Variants in SCAF4 observed in about 807,000 individuals in gnomAD.
The protein encoded by SCAF4 is SR-related CTD associated factor 4.
Under a neutral mutation model 129.8 loss-of-function variants are expected in SCAF4, and 25 were observed. That is an observed-to-expected ratio of 0.19 (90% CI 0.14 to 0.27). The LOEUF (loss-of-function observed/expected upper bound fraction) is 0.27. Among genes scored for constraint, SCAF4 ranks in the 10% least tolerant of loss-of-function variants. The pLI is 1.00. For synonymous variants in SCAF4, 551 were observed against 497.7 expected (o/e 1.11, Z -1.43); for missense variants, 1,246 against 1,457.1 (o/e 0.86, Z 2.36).
At chr21:31,683,183 C>A (rs533595684) in intron 19 of SCAF4, among the ~76,000 whole-genome samples, 2 of 152,138 alleles carry the variant, frequency 1.3e-5, no homozygotes, top group Non-Finnish European at 2.9e-5. Flanking sequence ...GAAAACCACC[C>A]GCTCATGTAA....
intron 1 of SCAF4, among the ~76,000 whole-genome samples, chr21:31,722,464 T>C (rs1361069236): frequency 6.6e-6 from 1 of 152,112 alleles, no homozygotes. Flanking sequence ...CAAACAAATA[T>C]AGAGATAAAT....
At chr21:31,692,471 T>C in intron 12 of SCAF4, 22 bp from the exon 13 acceptor site, 5 of 1,525,838 alleles carry the variant, frequency 3.3e-6, no homozygotes, top group African/African-American at 1.4e-5. Flanking sequence ...ATTACAATCA[T>C]AAAGAGATTC....
chr21:31,725,573 T>C (rs961077728), intron 1 of SCAF4, among the ~76,000 whole-genome samples: 15 of 152,220 alleles, frequency 9.9e-5, no homozygotes, highest in African/African-American at 3.6e-4. Context: ...AGTAGCATTA[T>C]ATGCATACCA....
At chr21:31,715,411 G>T (rs2050900309) in intron 1 of SCAF4, among the ~76,000 whole-genome samples, 1 of 151,952 alleles carries the variant, frequency 6.6e-6, no homozygotes, top group Non-Finnish European at 1.5e-5. Flanking sequence ...GCCTTGCAAG[G>T]TAATATATTT....
intron 1 of SCAF4, among the ~76,000 whole-genome samples, chr21:31,728,235 T>G (rs765785235): frequency 6.6e-6 from 1 of 152,200 alleles, no homozygotes; most frequent in Non-Finnish European, 1.5e-5. Context: ...CTTATATATA[T>G]ACATATAATA....
Position 31,685,707 on chromosome 21 carries a change from A to T in SCAF4, c.2070T>A (p.Pro690=). 6.2e-7 allele frequency: 1 copy of T among 1,606,800 alleles called. No individual in the cohort carries two copies. The highest frequency in any genetic ancestry group is 8.5e-7 in the Non-Finnish European group (1 of 1,176,996). ...CAGGCGGCTGGAGAGCACCAACTAC[A>T]GGTGGACCCGGTTGATGTGGTGGGA... is the stretch of plus-strand genomic sequence containing the variant. The part of the protein sequence containing the change: ...PQVPPHQPGP[P]VVGALQPPAF... Residue 690 remains proline (P), a synonymous_variant, in exon 17 of 20, where the codon CCT becomes CCA. Transcript: ENST00000286835.
chr21:31,688,999 C>T (rs890339560), intron 15 of SCAF4, among the ~76,000 whole-genome samples: 12 of 152,188 alleles, frequency 7.9e-5, no homozygotes, highest in South Asian at 2.1e-4. Flanking sequence ...CTTTCTGCTC[C>T]GTCCTCTGAG....
In SCAF4 at chr21:31,703,801, T is replaced by A. The variant is rs907740085; in HGVS notation, c.285A>T (p.Thr95=). The change falls in exon 4 of 20, where the codon ACA becomes ACT. Residue 95 remains threonine, a synonymous_variant. Coordinates refer to ENST00000286835, the MANE Select transcript of SCAF4 (RefSeq NM_020706.2). Reference sequence around the variant, plus strand: ...ATGGACAAAGATATAAATATTGGAATGTGGCAGTTATGTTTTTAGAGAATC... The same window carrying A: ...ATGGACAAAGATATAAATATTGGAAAGTGGCAGTTATGTTTTTAGAGAATC... ...GPRFSKNITA[T]FQYLYLCPSE... is the part of the protein sequence containing the mutation. 6.3e-7 allele frequency: 1 copy of A among 1,585,890 alleles called. No individual in the cohort carries two copies. The highest frequency in any genetic ancestry group is 8.6e-7 in the Non-Finnish European group (1 of 1,157,044).
chr21:31,714,729 T>C (rs973639513), intron 1 of SCAF4, among the ~76,000 whole-genome samples: 4 of 152,208 alleles, frequency 2.6e-5, no homozygotes, highest in African/African-American at 9.6e-5. Context: ...TCAACCTTTC[T>C]AAACTCCAAG....
At chr21:31,723,259 C>G (rs1417690964) in intron 1 of SCAF4, among the ~76,000 whole-genome samples, 2 of 152,128 alleles carry the variant, frequency 1.3e-5, no homozygotes, top group African/African-American at 4.8e-5. Flanking sequence ...AGTGGCCAGC[C>G]TGGCCAACAT....
chr21:31,691,206 A>C (rs777200653), intron 14 of SCAF4, among the ~76,000 whole-genome samples: 2 of 152,136 alleles, frequency 1.3e-5, no homozygotes, highest in African/African-American at 4.8e-5. Flanking sequence ...AGCCAACATA[A>C]AACTTAGAGA....
Position 31,723,641 on chromosome 21 carries a change from C to T in SCAF4, c.30+8022G>A, listed in dbSNP as rs1601280086. Among the ~76,000 whole-genome samples, 4 of 144,706 alleles carry T rather than the reference C, an allele frequency of 2.8e-5. No individual in the cohort carries two copies. The East Asian group carries it at 5.8e-4, about 21-fold the overall frequency. 94.9% of individuals were successfully genotyped at this position (144,706 alleles called of 152,430 possible). ...GTGTGTGTGTGTGTGCGCGCGCGCG[C>T]GCGCGCACATACAGTTCAAGTTTTC... On this transcript the variant is annotated intron_variant, in intron 1 of 19. Coordinates refer to ENST00000286835, the MANE Select transcript of SCAF4 (RefSeq NM_020706.2).
In SCAF4 at chr21:31,689,464, A is replaced by AT. The variant is rs11299714; in HGVS notation, c.1886-1001dup. 3.8e-3 allele frequency among the ~76,000 whole-genome samples: 508 copies of AT among 132,642 alleles called. 3 individuals are homozygous for AT. The highest frequency in any genetic ancestry group is 9.8e-3 in the East Asian group (43 of 4,410). The allele number at this position is 132,642 out of a possible 152,430, so 87.0% of individuals were successfully genotyped here. The stretch of plus-strand genomic sequence containing the variant: ...AGACACCCGCCACCACATCCAGCTA[A>AT]TTTTTTTTTTTTTTTTTGTATTTTT... On this transcript the variant is annotated intron_variant, in intron 15 of 19. Coordinates refer to ENST00000286835, the MANE Select transcript of SCAF4 (RefSeq NM_020706.2).
chr21:31,718,536 T>G (rs1366566903), intron 1 of SCAF4, among the ~76,000 whole-genome samples: 1 of 152,080 alleles, frequency 6.6e-6, no homozygotes, highest in Non-Finnish European at 1.5e-5. Context: ...TCTCAAGGGA[T>G]TTGCCAGTCT....
chr21:31,690,747 T>C, intron 15 of SCAF4, 50 bp downstream of exon 15: 1 of 1,542,488 alleles, frequency 6.5e-7, no homozygotes, highest in South Asian at 1.2e-5. Context: ...TTGTCATATG[T>C]ACTACCAAGC....
intron 1 of SCAF4, among the ~76,000 whole-genome samples, chr21:31,707,725 T>C (rs2050701379): frequency 1.3e-5 from 2 of 152,200 alleles, no homozygotes; most frequent in South Asian, 2.1e-4. Context: ...ACTAGACCAC[T>C]AGCTAAGAGG....
chr21:31,675,036 G>C (rs1394887366), intron 19 of SCAF4, among the ~76,000 whole-genome samples: 2 of 152,154 alleles, frequency 1.3e-5, no homozygotes, highest in Non-Finnish European at 2.9e-5. Flanking sequence ...CAAGGCCAGT[G>C]AGTTAAGGAA....
chr21:31,696,553 A>T lies in SCAF4; in HGVS notation c.959+16T>A, dbSNP rs759038227. 16 of 1,034,724 alleles carry T rather than the reference A, an allele frequency of 1.5e-5. No homozygotes were observed. The highest frequency in any genetic ancestry group is 8.4e-5 in the African/African-American group (5 of 59,256). The allele number at this position is 1,034,724 out of a possible 1,614,324, so 64.1% of individuals were successfully genotyped here. A position where few individuals can be genotyped will look rare whatever the true frequency, so the allele number is the denominator to read the frequency against. ...ACCAATTTTCTATCTGCTGAGGAAT[A>T]AAAAAAAAAACTAACAATGGTGCCT... On this transcript the variant is annotated intron_variant, in intron 8 of 19. Transcript: ENST00000286835.
chr21:31,717,363 G>A (rs928925639), intron 1 of SCAF4, among the ~76,000 whole-genome samples: 1 of 152,030 alleles, frequency 6.6e-6, no homozygotes, highest in Non-Finnish European at 1.5e-5. Flanking sequence ...ACAAGTGGAG[G>A]AGAAAAAAAG....
Sources: gnomAD v4.1 joint callset for allele counts (sites outside exome capture counted in the v4.1 genomes callset) on GRCh38, gnomAD v4.1.1 for gene constraint, MANE v1.5 for transcripts, NCBI Gene and HGNC (gene_info 2026-07-23, HGNC 2026-07-21) for gene names.